The following KCNQ5 variants were observed in gnomAD, a reference collection of about 807,000 sequenced individuals.
KCNQ5 encodes potassium voltage-gated channel subfamily KQT member 5.
A neutral mutation model predicts 98.2 loss-of-function variants in KCNQ5; 30 were observed. The observed-to-expected ratio is 0.31, with a 90% CI of 0.23 to 0.41. KCNQ5 has a LOEUF of 0.41. Ranked by LOEUF, KCNQ5 falls within the 10% of genes least tolerant of loss-of-function variation. The pLI is 1.00. For missense variants in KCNQ5, 835 were observed against 1,182.5 expected (o/e 0.71, Z 4.31); for synonymous variants, 458 against 449.4 (o/e 1.02, Z -0.24).
At chr6:72,978,050 A>G (rs540051564) in intron 1 of KCNQ5, among the ~76,000 whole-genome samples, 1 of 152,346 alleles carries the variant, frequency 6.6e-6, no homozygotes, top group South Asian at 2.1e-4. Context: ...GATACATTTT[A>G]GTAGTGGATA....
chr6:72,731,539 T>C lies in KCNQ5; in HGVS notation c.398+108952T>C, dbSNP rs545929826. ...TCTTTTTTTCCCTCATTACTATGTTTAGTGTGTGATCTCCATCCCCAAGTT... is the reference window on the plus strand; with the variant it reads ...TCTTTTTTTCCCTCATTACTATGTTCAGTGTGTGATCTCCATCCCCAAGTT... On this transcript the variant is annotated intron_variant, in intron 1 of 13. Coordinates refer to ENST00000370398, the MANE Select transcript of KCNQ5 (RefSeq NM_019842.4). Among the ~76,000 whole-genome samples the C allele has an allele frequency of 1.5e-3, 231 of 152,330 alleles. 1 individual carries two copies. Among genetic ancestry groups the C allele is most frequent in the African/African-American group, 5.4e-3 (225 of 41,570 alleles).
At chr6:72,670,053 C>T (rs1022676820) in intron 1 of KCNQ5, among the ~76,000 whole-genome samples, 9 of 152,016 alleles carry the variant, frequency 5.9e-5, no homozygotes, top group African/African-American at 1.7e-4. Flanking sequence ...CAAAGCTACA[C>T]GTTTAATACT....
At chr6:72,625,100 CA>C (rs1239995647) in intron 1 of KCNQ5, among the ~76,000 whole-genome samples, 2 of 152,126 alleles carry the variant, frequency 1.3e-5, no homozygotes, top group African/African-American at 4.8e-5. Context: ...TGAGGTACTT[CA>C]GGGGTGAATT....
chr6:73,119,603 A>C (rs565245964), intron 7 of KCNQ5, among the ~76,000 whole-genome samples: 4 of 152,130 alleles, frequency 2.6e-5, no homozygotes, highest in Non-Finnish European at 5.9e-5. Flanking sequence ...TGATATCACT[A>C]TCTTCATTTT....
intron 2 of KCNQ5, among the ~76,000 whole-genome samples, chr6:73,019,075 T>C (rs1211289622): frequency 2.0e-5 from 3 of 152,104 alleles, no homozygotes; most frequent in Non-Finnish European, 4.4e-5. Flanking sequence ...ACCTGTGATA[T>C]ATGACAGGGT....
intron 1 of KCNQ5, among the ~76,000 whole-genome samples, chr6:72,866,258 T>C (rs969605794): frequency 1.3e-5 from 2 of 148,610 alleles, no homozygotes; most frequent in African/African-American, 5.0e-5. Flanking sequence ...CTCCCTTTTT[T>C]TTTTTTTTTT....
chr6:73,054,172 A>G (rs1440064090), intron 3 of KCNQ5, among the ~76,000 whole-genome samples: 1 of 152,186 alleles, frequency 6.6e-6, no homozygotes, highest in Non-Finnish European at 1.5e-5. Context: ...ACAGAGACCA[A>G]TAATGAGTTC....
intron 1 of KCNQ5, among the ~76,000 whole-genome samples, chr6:72,673,843 A>C (rs1326415816): frequency 6.6e-6 from 1 of 152,200 alleles, no homozygotes; most frequent in Non-Finnish European, 1.5e-5. Flanking sequence ...ATTGGACAAT[A>C]GAAGTTATTT....
At chr6:72,766,891 A>G (rs1040029832) in intron 1 of KCNQ5, among the ~76,000 whole-genome samples, 1 of 152,026 alleles carries the variant, frequency 6.6e-6, no homozygotes, top group Non-Finnish European at 1.5e-5. Context: ...AGAGATATAT[A>G]TGTGTGTCAT....
intron 1 of KCNQ5, among the ~76,000 whole-genome samples, chr6:72,623,622 A>G (rs190998436): frequency 1.3e-5 from 2 of 151,940 alleles, no homozygotes; most frequent in East Asian, 3.9e-4. Flanking sequence ...TTATAATGTT[A>G]CCTCGTGTCT....
intron 1 of KCNQ5, among the ~76,000 whole-genome samples, chr6:72,969,793 A>AT (rs1767787980): frequency 6.6e-6 from 1 of 152,050 alleles, no homozygotes; most frequent in Admixed American, 6.6e-5. Flanking sequence ...ATCTATCCCT[A>AT]TTTCTGTTAC....
At chr6:72,725,113 C>T (rs1269758038) in intron 1 of KCNQ5, among the ~76,000 whole-genome samples, 2 of 151,998 alleles carry the variant, frequency 1.3e-5, no homozygotes, top group African/African-American at 4.8e-5. Context: ...CTCTGTTTTT[C>T]CCCAAAATGT....
chr6:72,841,385 T>G (rs908498012), intron 1 of KCNQ5, among the ~76,000 whole-genome samples: 1 of 152,178 alleles, frequency 6.6e-6, no homozygotes, highest in Non-Finnish European at 1.5e-5. Flanking sequence ...AATTATGGAC[T>G]TGTTCCTTTC....
chr6:72,829,532 T>G (rs1776142048), intron 1 of KCNQ5, among the ~76,000 whole-genome samples: 1 of 152,182 alleles, frequency 6.6e-6, no homozygotes, highest in South Asian at 2.1e-4. Context: ...TTCATTCATT[T>G]ATTCAATATA....
At chr6:73,173,672 A>C (rs1778097383) in intron 11 of KCNQ5, among the ~76,000 whole-genome samples, 1 of 152,108 alleles carries the variant, frequency 6.6e-6, no homozygotes, top group African/African-American at 2.4e-5. Context: ...ATAACAGGGC[A>C]GGCATGGTGG....
At chr6:72,656,957 G>A (rs1045315657) in intron 1 of KCNQ5, among the ~76,000 whole-genome samples, 5 of 152,074 alleles carry the variant, frequency 3.3e-5, no homozygotes, top group Admixed American at 2.0e-4. Flanking sequence ...TAAAATTATG[G>A]TTTGGGAGGC....
At chr6:73,149,938 CTG>C (rs1173775374) in intron 10 of KCNQ5, among the ~76,000 whole-genome samples, 5 of 150,126 alleles carry the variant, frequency 3.3e-5, no homozygotes, top group Non-Finnish European at 7.4e-5. Flanking sequence ...AAGCTGCAAA[CTG>C]AGAGAAAATA....
chr6:73,004,086 A>C (rs1466326875), intron 2 of KCNQ5, 88 bp downstream of exon 2: 2 of 730,860 alleles, frequency 2.7e-6, no homozygotes, highest in East Asian at 2.5e-5. Context: ...CTACAAAAAA[A>C]TCCTATCTAA....
At chr6:72,854,055 T>C (rs553138916) in intron 1 of KCNQ5, among the ~76,000 whole-genome samples, 33 of 152,306 alleles carry the variant, frequency 2.2e-4, no homozygotes, top group Admixed American at 2.2e-3. Context: ...TAGTGAAGTA[T>C]CTGTGCAATG....
Sources: gnomAD v4.1 joint callset for allele counts (sites outside exome capture counted in the v4.1 genomes callset) on GRCh38, gnomAD v4.1.1 for gene constraint, MANE v1.5 for transcripts, NCBI Gene and HGNC (gene_info 2026-07-23, HGNC 2026-07-21) for gene names.